Variants in DLGAP1 observed in about 807,000 individuals in gnomAD.
The protein encoded by DLGAP1 is DLG associated protein 1, also known as disks large-associated protein 1.
Under a neutral mutation model 90.8 loss-of-function variants are expected in DLGAP1, and 11 were observed. The ratio of observed to expected loss-of-function variants is 0.12; its 90% CI spans 0.08 to 0.20. The LOEUF (loss-of-function observed/expected upper bound fraction) is 0.20, where lower values mean the gene tolerates loss of function less well. Ranked by LOEUF, DLGAP1 falls within the 10% of genes least tolerant of loss-of-function variation. DLGAP1 has a pLI of 1.00. For missense variants in DLGAP1, 1,050 were observed against 1,333.8 expected (o/e 0.79, Z 3.31); for synonymous variants, 558 against 540.7 (o/e 1.03, Z -0.44).
At chr18:3,637,780 A>T (rs1343137597) in intron 7 of DLGAP1, among the ~76,000 whole-genome samples, 1 of 151,846 alleles carries the variant, frequency 6.6e-6, no homozygotes, top group East Asian at 1.9e-4. Flanking sequence ...TTATTTAAAT[A>T]TTATATCAAT....
intron 5 of DLGAP1, among the ~76,000 whole-genome samples, chr18:3,751,015 A>G (rs2063474167): frequency 6.6e-6 from 1 of 152,164 alleles, no homozygotes; most frequent in Non-Finnish European, 1.5e-5. Context: ...CATTGTTGTA[A>G]TTATTAATAT....
chr18:4,182,683 G>A (rs2144671411), intron 1 of DLGAP1, among the ~76,000 whole-genome samples: 1 of 151,982 alleles, frequency 6.6e-6, no homozygotes, highest in Non-Finnish European at 1.5e-5. Context: ...TTGCTATGGG[G>A]TCCATTCCAA....
rs937349986 is a variant in DLGAP1, at chr18:3,721,228, A to G, written c.1591+7907T>C. Among the ~76,000 whole-genome samples, 5 of 152,206 alleles carry G rather than the reference A, an allele frequency of 3.3e-5. No homozygotes were observed. The East Asian group carries it at 9.6e-4, about 29-fold the overall frequency. ...CAAGCAAGAGACCAGTCAGATCAGA[A>G]TTACATTAGTTTAGTATTTTTTTAC... On this transcript the variant is annotated intron_variant, in intron 7 of 12. Transcript: ENST00000315677.
chr18:4,392,182 C>T (rs2082353660), intron 1 of DLGAP1, among the ~76,000 whole-genome samples: 1 of 152,110 alleles, frequency 6.6e-6, no homozygotes, highest in South Asian at 2.1e-4. Flanking sequence ...GATGGGTAGC[C>T]CAAAGCCTGT....
chr18:4,237,843 T>C (rs1390011925), intron 1 of DLGAP1, among the ~76,000 whole-genome samples: 1 of 152,214 alleles, frequency 6.6e-6, no homozygotes, highest in Non-Finnish European at 1.5e-5. Context: ...TGATCATGAC[T>C]ACTGCCAAAT....
chr18:4,019,417 C>T (rs1568355051), intron 2 of DLGAP1, among the ~76,000 whole-genome samples: 1 of 152,198 alleles, frequency 6.6e-6, no homozygotes, highest in African/African-American at 2.4e-5. Context: ...TATAAATACA[C>T]ATTTTCATAT....
At chr18:4,374,123 C>T (rs1751721919) in intron 1 of DLGAP1, among the ~76,000 whole-genome samples, 1 of 152,046 alleles carries the variant, frequency 6.6e-6, no homozygotes, top group African/African-American at 2.4e-5. Context: ...GTCTGTAAAA[C>T]TAAAGAAGTA....
intron 1 of DLGAP1, among the ~76,000 whole-genome samples, chr18:4,232,442 G>C (rs1291641717): frequency 6.6e-6 from 1 of 152,058 alleles, no homozygotes; most frequent in Non-Finnish European, 1.5e-5. Context: ...TGAACTTTTT[G>C]CAACTAAACA....
At chr18:3,811,896 T>G (rs1328664558) in intron 5 of DLGAP1, among the ~76,000 whole-genome samples, 1 of 152,136 alleles carries the variant, frequency 6.6e-6, no homozygotes, top group Non-Finnish European at 1.5e-5. Flanking sequence ...GTCCTCAGTC[T>G]CCTCAGAGCA....
At chr18:3,848,831 C>T (rs1450399843) in intron 4 of DLGAP1, among the ~76,000 whole-genome samples, 1 of 152,186 alleles carries the variant, frequency 6.6e-6, no homozygotes, top group African/African-American at 2.4e-5. Flanking sequence ...ACCGATTCTC[C>T]TCTTCCACTG....
chr18:3,798,597 G>T (rs1053264212), intron 5 of DLGAP1, among the ~76,000 whole-genome samples: 1 of 152,136 alleles, frequency 6.6e-6, no homozygotes, highest in Admixed American at 6.5e-5. Flanking sequence ...TGAGTACCCT[G>T]GTCTCTGAGC....
intron 2 of DLGAP1, among the ~76,000 whole-genome samples, chr18:4,101,023 G>C (rs182254635): frequency 1.4e-4 from 21 of 152,254 alleles, no homozygotes; most frequent in Non-Finnish European, 2.2e-4. Flanking sequence ...CTTTCTTAAT[G>C]CTTGTGCATT....
chr18:3,675,281 T>C (rs1304473738), intron 7 of DLGAP1, among the ~76,000 whole-genome samples: 1 of 152,110 alleles, frequency 6.6e-6, no homozygotes, highest in Admixed American at 6.6e-5. Flanking sequence ...ATGTTGGTTG[T>C]CCAGAGTGGT....
intron 1 of DLGAP1, among the ~76,000 whole-genome samples, chr18:4,322,683 C>T (rs750047688): frequency 5.3e-5 from 8 of 152,020 alleles, no homozygotes; most frequent in Non-Finnish European, 1.0e-4. Context: ...GCATAGAGGC[C>T]AGACGTGGTG....
intron 3 of DLGAP1, among the ~76,000 whole-genome samples, chr18:3,961,476 G>C (rs1036405516): frequency 6.6e-6 from 1 of 152,120 alleles, no homozygotes; most frequent in Non-Finnish European, 1.5e-5. Context: ...GACTTAGGAC[G>C]GGAATACAAA....
intron 1 of DLGAP1, among the ~76,000 whole-genome samples, chr18:4,260,610 C>T (rs1200659085): frequency 6.6e-6 from 1 of 151,958 alleles, no homozygotes; most frequent in Non-Finnish European, 1.5e-5. Context: ...GGCTAAATTG[C>T]TTTTATTATT....
intron 3 of DLGAP1, among the ~76,000 whole-genome samples, chr18:3,888,405 T>G (rs1335796793): frequency 1.3e-5 from 2 of 152,228 alleles, no homozygotes; most frequent in East Asian, 3.8e-4. Flanking sequence ...ATTTTATAGA[T>G]GCAGAATGTA....
chr18:4,219,282 G>A (rs887821380), intron 1 of DLGAP1, among the ~76,000 whole-genome samples: 1 of 151,778 alleles, frequency 6.6e-6, no homozygotes, highest in Non-Finnish European at 1.5e-5. Flanking sequence ...CTTCTTTTGA[G>A]AAGTGTCTAT....
intron 7 of DLGAP1, chr18:3,597,208 C>T (rs1466142629): frequency 1.9e-6 from 1 of 518,884 alleles, no homozygotes; most frequent in Non-Finnish European, 3.9e-6. Flanking sequence ...ACTTTCTTTA[C>T]CTCCTAGTAT....
Sources: allele counts gnomAD v4.1 joint callset (sites outside exome capture counted in the v4.1 genomes callset), GRCh38; gene constraint gnomAD v4.1.1; transcripts MANE v1.5; gene names NCBI Gene and HGNC (gene_info 2026-07-23, HGNC 2026-07-21).